The following MLLT1 variants were observed in gnomAD, a reference collection of about 807,000 sequenced individuals.
The protein encoded by MLLT1 is MLLT1 super elongation complex subunit, also known as protein ENL.
MLLT1 carries 11 observed loss-of-function variants against 55.1 expected under a neutral mutation model. The observed-to-expected ratio is 0.20, with a 90% CI of 0.13 to 0.33. The LOEUF (loss-of-function observed/expected upper bound fraction) is 0.33, where lower values mean the gene tolerates loss of function less well. Among genes scored for constraint, MLLT1 ranks in the 10% least tolerant of loss-of-function variants. The pLI is 1.00. For missense variants in MLLT1, 536 were observed against 760.6 expected (o/e 0.70, Z 3.47); for synonymous variants, 323 against 320.1 (o/e 1.01, Z -0.10).
Position 6,273,966 on chromosome 19 carries a change from A to G in MLLT1, c.13-3207T>C, listed in dbSNP as rs913288076. Reference sequence around the variant, plus strand: ...GATGGAAGCACCAGAACTCCACCGCAGTGGCCAAAGTAAACAGGAAGGTTC... The same window carrying G: ...GATGGAAGCACCAGAACTCCACCGCGGTGGCCAAAGTAAACAGGAAGGTTC... On this transcript the variant is annotated intron_variant, in intron 1 of 11. Transcript: ENST00000252674. The surrounding 1 kb of genome is among the most constrained non-coding windows in gnomAD (Gnocchi z 4.3). Among the ~76,000 whole-genome samples, 1 of 152,368 alleles carries G rather than the reference A, an allele frequency of 6.6e-6. No homozygotes were observed. Among genetic ancestry groups the G allele is most frequent in the South Asian group, 2.1e-4 (1 of 4,830 alleles).
chr19:6,263,354 C>T (rs1430477541), intron 2 of MLLT1: 4 of 152,260 alleles, frequency 2.6e-5, no homozygotes, highest in Admixed American at 2.0e-4. Context: ...ACCCATGCCT[C>T]GTCTTCTCCC....
intron 3 of MLLT1, among the ~76,000 whole-genome samples, chr19:6,254,689 T>C (rs1269577295): frequency 6.6e-6 from 1 of 152,172 alleles, no homozygotes; most frequent in Non-Finnish European, 1.5e-5. Context: ...TTTTCCTTCT[T>C]CTATAAGGGA....
chr19:6,256,243 AAATAAATAAAT>A lies in MLLT1; in HGVS notation c.276+5974_276+5984del, dbSNP rs1311081530. On this transcript the variant is annotated intron_variant, in intron 3 of 11. Coordinates refer to ENST00000252674, the MANE Select transcript of MLLT1 (RefSeq NM_005934.4). This position sits in a 1 kb window ranked among gnomAD's most constrained non-coding sequence, Gnocchi z 4.1. ...AAGATAAATAAATAAATAAATAAAT[AAATAAATAAAT>A]AAAAAGACCAGCCTGGGCAACACAA... 1.3e-4 allele frequency among the ~76,000 whole-genome samples: 20 copies of A among 150,012 alleles called. No individual in the cohort carries two copies. The highest frequency in any genetic ancestry group is 4.4e-4 in the African/African-American group (18 of 40,694).
At chr19:6,243,963 G>GA (rs1600196565) in intron 3 of MLLT1, among the ~76,000 whole-genome samples, 1 of 146,682 alleles carries the variant, frequency 6.8e-6, no homozygotes, top group Non-Finnish European at 1.5e-5. Context: ...AGAAAGGTGT[G>GA]AACCCAGGAG....
At chr19:6,265,978 C>A (rs1363113198) in intron 2 of MLLT1, among the ~76,000 whole-genome samples, 2 of 151,968 alleles carry the variant, frequency 1.3e-5, no homozygotes, top group African/African-American at 4.8e-5. Flanking sequence ...GACTCTGTTT[C>A]AAAAAAAGTT....
Position 6,252,594 on chromosome 19 carries a change from G to A in MLLT1, c.276+9634C>T, listed in dbSNP as rs572616959. On this transcript the variant is annotated intron_variant, in intron 3 of 11. Coordinates refer to ENST00000252674, the MANE Select transcript of MLLT1 (RefSeq NM_005934.4). ...GAATACAGTGTACACAGTGCTCAGA[G>A]CGAAATGTACAGCTGTAAACACCTA... Among the ~76,000 whole-genome samples the A allele has an allele frequency of 1.1e-3, 174 of 152,258 alleles. 1 individual carries two copies. The highest frequency in any genetic ancestry group is 4.0e-3 in the African/African-American group (166 of 41,536).
chr19:6,245,537 C>T (rs1282815987), intron 3 of MLLT1, among the ~76,000 whole-genome samples: 6 of 151,828 alleles, frequency 4.0e-5, no homozygotes, highest in Non-Finnish European at 8.8e-5. Flanking sequence ...GGTGAAACCC[C>T]GTCTCTACTA....
rs975843091 is a variant in MLLT1 at position 6,213,331 on chromosome 19, C to T, written c.1551+6G>A. The T allele has an allele frequency of 1.4e-5, 22 of 1,612,066 alleles. No individual in the cohort carries two copies. The highest frequency in any genetic ancestry group is 1.7e-5 in the Non-Finnish European group (20 of 1,179,786). On this transcript the variant is annotated splice_donor_region_variant and intron_variant, in intron 11 of 11. Coordinates refer to ENST00000252674, the MANE Select transcript of MLLT1 (RefSeq NM_005934.4). The stretch of plus-strand genomic sequence containing the variant: ...CTGCCGGGCAGGACCCTCAGGGGGG[C>T]GATACCTGCTGCAGCACGTTGCGCT...
intron 1 of MLLT1, among the ~76,000 whole-genome samples, chr19:6,275,236 T>C (rs565687168): frequency 1.3e-5 from 2 of 152,220 alleles, no homozygotes; most frequent in African/African-American, 4.8e-5. Flanking sequence ...GAATTACACC[T>C]GGAGTTCGGC....
At chr19:6,271,841 C>T (rs1292628665) in intron 1 of MLLT1, among the ~76,000 whole-genome samples, 1 of 152,272 alleles carries the variant, frequency 6.6e-6, no homozygotes, top group African/African-American at 2.4e-5. Context: ...TCCCGGGCCC[C>T]AGACCAGACA....
At chr19:6,238,034 G>A (rs1395965360) in intron 3 of MLLT1, among the ~76,000 whole-genome samples, 8 of 152,218 alleles carry the variant, frequency 5.3e-5, no homozygotes, top group South Asian at 2.1e-4. Flanking sequence ...AAGCCCAGGA[G>A]TTCGAGGTTG....
At chr19:6,243,435 G>A (rs947261745) in intron 3 of MLLT1, among the ~76,000 whole-genome samples, 3 of 152,208 alleles carry the variant, frequency 2.0e-5, no homozygotes, top group Non-Finnish European at 4.4e-5. Context: ...ATGGAGCCAG[G>A]TCTGCATTAT....
Position 6,222,290 on chromosome 19 carries a change from G to A in MLLT1, c.941C>T (p.Thr314Ile), listed in dbSNP as rs2090907394. The A allele has an allele frequency of 4.3e-6, 7 of 1,609,406 alleles. No individual in the cohort carries two copies. The highest frequency in any genetic ancestry group is 5.9e-6 in the Non-Finnish European group (7 of 1,178,316). ...SSKGSRSAPG[T>I]SPRTSSSSSF... ...GGAGGAGGAGGAGGTGCGGGGCGAG[G>A]TGCCTGGAGCACTCCGGGACCCCTT... The change falls in exon 6 of 12, where the codon ACC becomes ATC. Residue 314 changes from threonine to isoleucine, a missense_variant. This residue lies in a region of MLLT1 where 449 missense variants were observed against 489.0 expected (regional missense o/e 0.92). Coordinates refer to ENST00000252674, the MANE Select transcript of MLLT1 (RefSeq NM_005934.4). The surrounding 1 kb of genome is among the most constrained non-coding windows in gnomAD (Gnocchi z 4.1).
chr19:6,264,730 C>T (rs1448371525), intron 2 of MLLT1, among the ~76,000 whole-genome samples: 10 of 151,456 alleles, frequency 6.6e-5, no homozygotes, highest in Non-Finnish European at 4.4e-5. Context: ...ACATTCTCTA[C>T]TAAAAATACA....
chr19:6,237,452 A>G (rs1453023675), intron 3 of MLLT1, among the ~76,000 whole-genome samples: 1 of 152,010 alleles, frequency 6.6e-6, no homozygotes, highest in Admixed American at 6.5e-5. Flanking sequence ...TCACAGACAC[A>G]TGCTGGGCTT....
intron 3 of MLLT1, among the ~76,000 whole-genome samples, chr19:6,236,826 T>A (rs2091066050): frequency 6.6e-6 from 1 of 152,114 alleles, no homozygotes; most frequent in Non-Finnish European, 1.5e-5. Flanking sequence ...AATGGCAAAG[T>A]CAAAGGTGGC....
intron 3 of MLLT1, among the ~76,000 whole-genome samples, chr19:6,257,314 A>G (rs1288395245): frequency 6.6e-6 from 1 of 151,870 alleles, no homozygotes; most frequent in Non-Finnish European, 1.5e-5. Flanking sequence ...TCAGGGTTAC[A>G]GTGAACCAAG....
chr19:6,273,102 C>T lies in MLLT1; in HGVS notation c.13-2343G>A, dbSNP rs1223403711. Among the ~76,000 whole-genome samples the T allele has an allele frequency of 6.6e-6, 1 of 151,906 alleles. No homozygotes were observed. Among genetic ancestry groups the T allele is most frequent in the Non-Finnish European group, 1.5e-5 (1 of 67,988 alleles). On this transcript the variant is annotated intron_variant, in intron 1 of 11. Coordinates refer to ENST00000252674, the MANE Select transcript of MLLT1 (RefSeq NM_005934.4). This position sits in a 1 kb window ranked among gnomAD's most constrained non-coding sequence, Gnocchi z 4.3. ...CTGCAGGGGGTGCCTGGGATCAGGC[C>T]GGAGACAAAAGAAATAACCCGTCGT...
chr19:6,277,573 C>T (rs1015317394), intron 1 of MLLT1, among the ~76,000 whole-genome samples: 1 of 152,180 alleles, frequency 6.6e-6, no homozygotes, highest in Non-Finnish European at 1.5e-5. Flanking sequence ...CCACACCTGT[C>T]CACCTGAGTG....
Sources: allele counts gnomAD v4.1 joint callset (sites outside exome capture counted in the v4.1 genomes callset), GRCh38; gene constraint gnomAD v4.1.1; regional missense constraint gnomAD v4.1.1; non-coding constraint Gnocchi (gnomAD v3.1); transcripts MANE v1.5; gene names NCBI Gene and HGNC (gene_info 2026-07-23, HGNC 2026-07-21).